Variants in NHSL1 observed in about 807,000 individuals in gnomAD.
The protein encoded by NHSL1 is NHS like 1.
NHSL1 carries 48 observed loss-of-function variants against 95.0 expected under a neutral mutation model. That is an observed-to-expected ratio of 0.51 (90% CI 0.40 to 0.64). The LOEUF (loss-of-function observed/expected upper bound fraction) is 0.64, where lower values mean the gene tolerates loss of function less well. Among genes scored for constraint, NHSL1 ranks in the 30% least tolerant of loss-of-function variants. The pLI, the probability that NHSL1 is intolerant of heterozygous loss-of-function variation, is 0.00. For synonymous variants in NHSL1, 783 were observed against 833.9 expected (o/e 0.94, Z 1.05); for missense variants, 1,971 against 2,077.7 (o/e 0.95, Z 1.00).
In NHSL1 at chr6:138,431,445, T is replaced by C. The variant is rs1414449632; in HGVS notation, c.2900A>G (p.His967Arg). ...TDCSQGSPLP[H>R]SPVFPPPPPE... ...CGGCGGAGGGGGGAACACAGGAGAG[T>C]GAGGCAGAGGAGAGCCCTGGGAGCA... Residue 967 changes from histidine to arginine, a missense_variant, in exon 6 of 8, where the codon CAC (histidine) becomes CGC (arginine). Physicochemically the swap from His to Arg is conservative, Grantham distance 29. Coordinates refer to ENST00000343505, the MANE Select transcript of NHSL1 (RefSeq NM_001144060.2). This position sits in a 1 kb window ranked among gnomAD's most constrained non-coding sequence, Gnocchi z 4.0. 2 of 1,540,904 alleles carry C rather than the reference T, an allele frequency of 1.3e-6. No homozygotes were observed. The highest frequency in any genetic ancestry group is 1.7e-6 in the Non-Finnish European group (2 of 1,144,078).
chr6:138,639,582 C>T lies in NHSL1; in HGVS notation c.96+52894G>A, dbSNP rs566695811. On this transcript the variant is annotated intron_variant, in intron 1 of 3. Transcript: ENST00000491526. ...GCATGAACCTGGGAGGCAGAGCTTG[C>T]AGTAAGCCGAGATCGGGCCACTGCA... Among the ~76,000 whole-genome samples, 611 of 150,332 alleles carry T rather than the reference C, an allele frequency of 4.1e-3. 2 individuals are homozygous for T. The highest frequency in any genetic ancestry group is 7.1e-3 in the Non-Finnish European group (480 of 67,732).
chr6:138,454,261 T>C (rs1363667992), intron 3 of NHSL1, among the ~76,000 whole-genome samples: 4 of 152,216 alleles, frequency 2.6e-5, no homozygotes, highest in Non-Finnish European at 5.9e-5. Context: ...TCTTTGTGTT[T>C]TTCTTACTAT....
chr6:138,438,441 C>T (rs889915076), intron 5 of NHSL1, among the ~76,000 whole-genome samples: 4 of 152,194 alleles, frequency 2.6e-5, no homozygotes, highest in South Asian at 2.1e-4. Context: ...CCAAAAAATT[C>T]GTGTGACTTG....
In NHSL1 at chr6:138,422,299, T is replaced by C. The variant is rs561261063; in HGVS notation, c.*1782A>G. 2 of 152,348 alleles carry C rather than the reference T, an allele frequency of 1.3e-5. No homozygotes were observed. Among genetic ancestry groups the C allele is most frequent in the South Asian group, 4.1e-4 (2 of 4,830 alleles). 9.4% of individuals were successfully genotyped at this position (152,348 alleles called of 1,614,324 possible). ...TCTTTGTGCCAAATTAGTAGACAATTGCTCCAAATCTCTGGTCTTGACTTC... is the reference window on the plus strand; with the variant it reads ...TCTTTGTGCCAAATTAGTAGACAATCGCTCCAAATCTCTGGTCTTGACTTC... On this transcript the variant is annotated 3_prime_UTR_variant, in exon 8 of 8. Transcript: ENST00000343505.
intron 3 of NHSL1, among the ~76,000 whole-genome samples, chr6:138,450,984 T>C (rs61608157): frequency 0.11 from 17,365 of 152,136 alleles, 1,079 homozygotes; most frequent in Middle Eastern, 0.17. Flanking sequence ...TTGTTGACCA[T>C]CCTCCCCTGC....
At chr6:138,454,631 T>C (rs1043915125) in intron 3 of NHSL1, among the ~76,000 whole-genome samples, 1 of 152,252 alleles carries the variant, frequency 6.6e-6, no homozygotes, top group Non-Finnish European at 1.5e-5. Flanking sequence ...TATGTCAAAA[T>C]TTATTAAGTT....
chr6:138,596,986 CT>C (rs1244748536), intron 1 of NHSL1, among the ~76,000 whole-genome samples: 1 of 152,028 alleles, frequency 6.6e-6, no homozygotes, highest in Non-Finnish European at 1.5e-5. Flanking sequence ...TGGCAAAACC[CT>C]GTCTCTACCA....
rs1454696034 is a variant in NHSL1, at chr6:138,506,961, T to A, written c.17-10590A>T. Among the ~76,000 whole-genome samples the A allele has an allele frequency of 2.6e-5, 4 of 152,358 alleles. No homozygotes were observed. In the South Asian group the frequency reaches 6.2e-4, roughly 24 times the overall value. On this transcript the variant is annotated intron_variant, in intron 1 of 4. Coordinates refer to the NHSL1 transcript ENST00000342260. ...CAACCCAAAAGATGAATTGGTCACT[T>A]GTGCCTTAAGAATCAATCTCTAATT...
At chr6:138,544,983 C>CTTTTTTTTTTTT (rs35979187) in intron 1 of NHSL1, among the ~76,000 whole-genome samples, 4 of 83,392 alleles carry the variant, frequency 4.8e-5, no homozygotes, top group African/African-American at 8.2e-5. Context: ...TCTTTCTTTT[C>CTTTTTTTTTTTT]TTTTTTTTTT....
intron 1 of NHSL1, among the ~76,000 whole-genome samples, chr6:138,561,890 CA>C (rs2114302123): frequency 6.6e-6 from 1 of 152,328 alleles, no homozygotes; most frequent in Admixed American, 6.5e-5. Context: ...AAGCAAGATG[CA>C]GCCAGCACAG....
At position 138,507,491 on chromosome 6, in the gene NHSL1, A is replaced by C. The variant is rs1781020762; in HGVS notation, c.17-11120T>G. 2.6e-5 allele frequency among the ~76,000 whole-genome samples: 4 copies of C among 152,266 alleles called. No homozygotes were observed. The South Asian group carries it at 6.2e-4, about 24-fold the overall frequency. On this transcript the variant is annotated intron_variant, in intron 1 of 4. Coordinates refer to the NHSL1 transcript ENST00000342260. The stretch of plus-strand genomic sequence containing the variant: ...ATGGGATGCTAGTTTTGGATAAACA[A>C]GCTATAAAGTCTTTTACAGATAAGT...
chr6:138,579,490 A>G (rs1342900907), intron 1 of NHSL1, among the ~76,000 whole-genome samples: 1 of 152,250 alleles, frequency 6.6e-6, no homozygotes, highest in Non-Finnish European at 1.5e-5. Context: ...ATATGGCCAT[A>G]CTGTTTCACT....
chr6:138,690,578 T>G (rs1785652466), intron 1 of NHSL1, among the ~76,000 whole-genome samples: 1 of 151,988 alleles, frequency 6.6e-6, no homozygotes, highest in African/African-American at 2.4e-5. Context: ...CTGTCTCTAC[T>G]AAAAATACAA....
At chr6:138,436,914 C>A (rs1430678843) in intron 5 of NHSL1, among the ~76,000 whole-genome samples, 1 of 152,136 alleles carries the variant, frequency 6.6e-6, no homozygotes, top group Non-Finnish European at 1.5e-5. Flanking sequence ...GCATGATTTA[C>A]TGAATACTTT....
chr6:138,460,392 T>G (rs1392173281), intron 3 of NHSL1, among the ~76,000 whole-genome samples: 2 of 152,178 alleles, frequency 1.3e-5, no homozygotes. Context: ...GTTCTGTATC[T>G]GTGCATTAAA....
intron 1 of NHSL1, among the ~76,000 whole-genome samples, chr6:138,600,922 A>C (rs982782195): frequency 2.6e-5 from 4 of 152,214 alleles, no homozygotes; most frequent in Non-Finnish European, 5.9e-5. Context: ...AGAATACAAT[A>C]ACCACTTGGA....
intron 1 of NHSL1, among the ~76,000 whole-genome samples, chr6:138,672,468 AAAAAT>A (rs1473423444): frequency 6.6e-6 from 1 of 152,010 alleles, no homozygotes; most frequent in Non-Finnish European, 1.5e-5. Context: ...TAACCCAGGA[AAAAAT>A]TTTTTAAAAA....
intron 1 of NHSL1, among the ~76,000 whole-genome samples, chr6:138,595,710 G>T (rs1225029983): frequency 6.6e-6 from 1 of 152,124 alleles, no homozygotes; most frequent in Non-Finnish European, 1.5e-5. Flanking sequence ...TTAATCAGCA[G>T]AAAAGATATT....
At chr6:138,457,524 T>A (rs1400493259) in intron 3 of NHSL1, among the ~76,000 whole-genome samples, 1 of 152,196 alleles carries the variant, frequency 6.6e-6, no homozygotes, top group African/African-American at 2.4e-5. Flanking sequence ...TAGCAACTCA[T>A]CTTAAGCACA....
Sources: gnomAD v4.1 joint callset for allele counts (sites outside exome capture counted in the v4.1 genomes callset) on GRCh38, gnomAD v4.1.1 for gene constraint, Gnocchi (gnomAD v3.1) non-coding constraint, MANE v1.5 for transcripts, NCBI Gene and HGNC (gene_info 2026-07-23, HGNC 2026-07-21) for gene names.